The following ABLIM2 variants were observed in gnomAD, a reference collection of about 807,000 sequenced individuals.
ABLIM2 encodes actin-binding LIM protein 2.
Under a neutral mutation model 97.7 loss-of-function variants are expected in ABLIM2, and 53 were observed. The observed-to-expected ratio is 0.54, with a 90% CI of 0.44 to 0.68. The LOEUF (loss-of-function observed/expected upper bound fraction) is 0.68, where lower values mean the gene tolerates loss of function less well. Ranked by LOEUF, ABLIM2 falls within the 30% of genes least tolerant of loss-of-function variation. ABLIM2 has a pLI of 0.00. For synonymous variants in ABLIM2, 361 were observed against 345.8 expected, an observed-to-expected ratio of 1.04 and a Z score of -0.49; for missense variants, 835 against 867.2, an observed-to-expected ratio of 0.96 and a Z score of 0.47.
chr4:8,060,488 G>A (rs972914120), intron 7 of ABLIM2, among the ~76,000 whole-genome samples: 1 of 152,082 alleles, frequency 6.6e-6, no homozygotes, highest in East Asian at 1.9e-4. Flanking sequence ...AGAAAGCCTC[G>A]GCTGCTGCCA....
chr4:8,040,575 C>T (rs1458757999), intron 9 of ABLIM2, among the ~76,000 whole-genome samples: 1 of 151,154 alleles, frequency 6.6e-6, no homozygotes, highest in Non-Finnish European at 1.5e-5. Context: ...CGTGCCACTG[C>T]ACTCCAGCCT....
rs1274703796 is a variant in ABLIM2 at position 8,095,665 on chromosome 4, G to A, written c.338+1434C>T. Reference sequence around the variant, plus strand: ...TCCCGAGGTGCTGGATTACGGGTGTGAGCCTCCGCGCCCAGCCAGCATGAT... The same window carrying A: ...TCCCGAGGTGCTGGATTACGGGTGTAAGCCTCCGCGCCCAGCCAGCATGAT... On this transcript the variant is annotated intron_variant, in intron 3 of 20. Transcript: ENST00000447017. This position sits in a 1 kb window ranked among gnomAD's most constrained non-coding sequence, Gnocchi z 4.7. Among the ~76,000 whole-genome samples the A allele has an allele frequency of 6.6e-6, 1 of 152,180 alleles. No homozygotes were observed. The highest frequency in any genetic ancestry group is 2.1e-4 in the South Asian group (1 of 4,826).
chr4:8,141,820 AG>A (rs1488098323), intron 1 of ABLIM2, among the ~76,000 whole-genome samples: 1 of 152,230 alleles, frequency 6.6e-6, no homozygotes, highest in Non-Finnish European at 1.5e-5. Context: ...CACTGTATCT[AG>A]GGTCCCATCT....
intron 6 of ABLIM2, among the ~76,000 whole-genome samples, chr4:8,070,047 A>G (rs1810808477): frequency 1.3e-5 from 2 of 149,110 alleles, no homozygotes; most frequent in African/African-American, 2.5e-5. Context: ...TTGTGTGTGT[A>G]TGTATCTGTG....
chr4:8,088,366 G>C, intron 3 of ABLIM2, 82 bp from the exon 4 acceptor site: 1 of 1,067,958 alleles, frequency 9.4e-7, no homozygotes, highest in Non-Finnish European at 1.4e-6. Context: ...CAGGAGACCA[G>C]GGCCAATGTC....
chr4:8,084,596 C>T (rs1677784345), intron 4 of ABLIM2, among the ~76,000 whole-genome samples: 2 of 140,964 alleles, frequency 1.4e-5, no homozygotes, highest in East Asian at 3.0e-4. Context: ...CTGCATACAT[C>T]CCTTCCTGCC....
intron 20 of ABLIM2, among the ~76,000 whole-genome samples, chr4:7,980,941 A>ATTTTTTTTCTTTTTTTTT (rs1737691303): frequency 1.2e-5 from 1 of 82,988 alleles, no homozygotes; most frequent in Non-Finnish European, 2.1e-5. Flanking sequence ...ACAACCCCTT[A>ATTTTTTTTCTTTTTTTTT]TTTTTTTTTT....
intron 14 of ABLIM2, among the ~76,000 whole-genome samples, chr4:8,017,301 A>AT (rs199555557): frequency 5.6e-4 from 74 of 133,194 alleles, no homozygotes; most frequent in African/African-American, 1.1e-3. Context: ...TATTATTATT[A>AT]TTTTTTTTTT....
intron 6 of ABLIM2, among the ~76,000 whole-genome samples, chr4:8,064,639 G>A (rs545135296): frequency 9.9e-5 from 15 of 152,278 alleles, no homozygotes; most frequent in African/African-American, 2.4e-4. Flanking sequence ...TGTCCTGAAC[G>A]AACAACATGG....
chr4:8,019,967 T>C lies in ABLIM2; in HGVS notation c.1369+235A>G, dbSNP rs1212770229. On this transcript the variant is annotated intron_variant, in intron 13 of 20. Coordinates refer to ENST00000447017, the MANE Select transcript of ABLIM2 (RefSeq NM_001130083.2). The surrounding 1 kb of genome is among the most constrained non-coding windows in gnomAD (Gnocchi z 4.3). ...TTCACCCCATTCCCAGGAGGACAGG[T>C]GTATCTCCCTGCCGTTTGTGGGAAT... 1.3e-5 allele frequency among the ~76,000 whole-genome samples: 2 copies of C among 152,090 alleles called. No homozygotes were observed. Among genetic ancestry groups the C allele is most frequent in the African/African-American group, 4.8e-5 (2 of 41,406 alleles).
In ABLIM2 at chr4:8,021,019, G is replaced by A. The variant is rs1261151110; in HGVS notation, c.1268-716C>T. Among the ~76,000 whole-genome samples, 4 of 151,796 alleles carry A rather than the reference G, an allele frequency of 2.6e-5. No individual in the cohort carries two copies. Among genetic ancestry groups the A allele is most frequent in the Non-Finnish European group, 5.9e-5 (4 of 67,976 alleles). On this transcript the variant is annotated intron_variant, in intron 12 of 20. Coordinates refer to ENST00000447017, the MANE Select transcript of ABLIM2 (RefSeq NM_001130083.2). The surrounding 1 kb of genome is among the most constrained non-coding windows in gnomAD (Gnocchi z 5.5). ...CCACAGGTGTGCACTACCACGCCTG[G>A]CTAATTTTTTTAATTTTGTAAAGAT...
Position 8,072,029 on chromosome 4 carries a change from C to T in ABLIM2, c.675+5599G>A. ...CCCGCCCGCAGTTCCCACCTTGCACCCGGGGAGGATGCTCAGAGCTGTGCA... is the reference window on the plus strand; with the variant it reads ...CCCGCCCGCAGTTCCCACCTTGCACTCGGGGAGGATGCTCAGAGCTGTGCA... On this transcript the variant is annotated intron_variant, in intron 6 of 20. Coordinates refer to ENST00000447017, the MANE Select transcript of ABLIM2 (RefSeq NM_001130083.2). The surrounding 1 kb of genome is among the most constrained non-coding windows in gnomAD (Gnocchi z 5.8). 1.0e-6 allele frequency: 1 copy of T among 985,452 alleles called. No homozygotes were observed. Among genetic ancestry groups the T allele is most frequent in the Non-Finnish European group, 1.2e-6 (1 of 829,964 alleles). The allele number at this position is 985,452 out of a possible 1,614,324, so 61.0% of individuals were successfully genotyped here. A position where few individuals can be genotyped will look rare whatever the true frequency, so the allele number is the denominator to read the frequency against.
At chr4:8,027,686 T>C (rs532658953) in intron 12 of ABLIM2, 73 bp downstream of exon 12, 158 of 1,245,642 alleles carry the variant, frequency 1.3e-4, no homozygotes, top group African/African-American at 3.7e-4. Flanking sequence ...GCGGCAGACA[T>C]GGACAGCGAG....
chr4:8,075,253 AAGTAG>A lies in ABLIM2; in HGVS notation c.675+2370_675+2374del, dbSNP rs2152385568. 1.9e-4 allele frequency among the ~76,000 whole-genome samples: 1 copy of A among 5,146 alleles called. No individual in the cohort carries two copies. The highest frequency in any genetic ancestry group is 4.0e-3 in the South Asian group (1 of 248). The allele number at this position is 5,146 out of a possible 152,430, so 3.4% of individuals were successfully genotyped here. ...CAGAAGAGAAGTCTATGGAGACAGAAAGTAGAAAGTAGAATGGTGGTTGCCGAGGG... is the reference window on the plus strand; with the variant it reads ...CAGAAGAGAAGTCTATGGAGACAGAAAAAGTAGAATGGTGGTTGCCGAGGG... On this transcript the variant is annotated intron_variant, in intron 6 of 20. Coordinates refer to ENST00000447017, the MANE Select transcript of ABLIM2 (RefSeq NM_001130083.2). The surrounding 1 kb of genome is among the most constrained non-coding windows in gnomAD (Gnocchi z 4.4).
At chr4:8,143,781 T>C (rs1005003812) in intron 1 of ABLIM2, among the ~76,000 whole-genome samples, 7 of 152,116 alleles carry the variant, frequency 4.6e-5, no homozygotes, top group Admixed American at 2.0e-4. Context: ...CCAGGGAACA[T>C]ACCACCTCTA....
chr4:7,967,641 G>A (rs149957136), intron 20 of ABLIM2, among the ~76,000 whole-genome samples: 331 of 152,358 alleles, frequency 2.2e-3, no homozygotes, highest in African/African-American at 7.2e-3. Flanking sequence ...GTGTGTAAGC[G>A]TGAGAGAGCT....
chr4:8,037,946 C>A (rs1466179679), intron 9 of ABLIM2, among the ~76,000 whole-genome samples: 2 of 152,214 alleles, frequency 1.3e-5, no homozygotes, highest in Non-Finnish European at 2.9e-5. Flanking sequence ...CCGCGGTACC[C>A]CACTGTGCAC....
rs947847912 is a variant in ABLIM2, at chr4:8,130,983, A to G, written c.11-24346T>C. On this transcript the variant is annotated intron_variant, in intron 1 of 20. Coordinates refer to ENST00000447017, the MANE Select transcript of ABLIM2 (RefSeq NM_001130083.2). This position sits in a 1 kb window ranked among gnomAD's most constrained non-coding sequence, Gnocchi z 4.2. ...CGTTACCTCGCCCTGCTCTTGGGGC[A>G]GCCTGCATTTCCTGGTGATGGCAGC... 2.6e-5 allele frequency among the ~76,000 whole-genome samples: 4 copies of G among 152,078 alleles called. No individual in the cohort carries two copies. Among genetic ancestry groups the G allele is most frequent in the Non-Finnish European group, 5.9e-5 (4 of 67,998 alleles).
At chr4:8,010,770 G>A (rs1022536471) in intron 14 of ABLIM2, 4 of 204,272 alleles carry the variant, frequency 2.0e-5, no homozygotes, top group African/African-American at 4.7e-5. Flanking sequence ...AGGGAGCTCC[G>A]GGGGACGCAT....
Sources: gnomAD v4.1 joint callset for allele counts (sites outside exome capture counted in the v4.1 genomes callset) on GRCh38, gnomAD v4.1.1 for gene constraint, Gnocchi (gnomAD v3.1) non-coding constraint, MANE v1.5 for transcripts, NCBI Gene and HGNC (gene_info 2026-07-23, HGNC 2026-07-21) for gene names.